TMEM132D: variants seen among roughly 807,000 people sequenced by gnomAD.
TMEM132D encodes the protein mature OL transmembrane protein.
TMEM132D carries 21 observed loss-of-function variants against 62.3 expected under a neutral mutation model. The ratio of observed to expected loss-of-function variants is 0.34; its 90% CI spans 0.24 to 0.49. TMEM132D has a LOEUF of 0.49. Among genes scored for constraint, TMEM132D ranks in the 20% least tolerant of loss-of-function variants. TMEM132D has a pLI of 0.99. For missense variants in TMEM132D, 1,346 were observed against 1,402.8 expected, an observed-to-expected ratio of 0.96 and a Z score of 0.65; for synonymous variants, 621 against 575.6, an observed-to-expected ratio of 1.08 and a Z score of -1.13.
intron 3 of TMEM132D, among the ~76,000 whole-genome samples, chr12:129,419,172 C>T (rs1420054014): frequency 6.8e-6 from 1 of 146,804 alleles, no homozygotes; most frequent in East Asian, 2.1e-4. Context: ...CTTCTATTTC[C>T]TTGAGAGTCC....
chr12:129,316,346 A>G (rs1417163242), intron 4 of TMEM132D, among the ~76,000 whole-genome samples: 1 of 152,122 alleles, frequency 6.6e-6, no homozygotes, highest in East Asian at 1.9e-4. Flanking sequence ...TGGTTGTGCC[A>G]TTATTGTCAT....
At chr12:129,840,674 C>T (rs1161227242) in intron 1 of TMEM132D, among the ~76,000 whole-genome samples, 4 of 152,188 alleles carry the variant, frequency 2.6e-5, no homozygotes, top group Admixed American at 1.3e-4. Flanking sequence ...GCTCCCAGTG[C>T]GGCCGCCCGC....
chr12:129,799,008 G>A (rs1171684245), intron 1 of TMEM132D, among the ~76,000 whole-genome samples: 1 of 152,218 alleles, frequency 6.6e-6, no homozygotes, highest in Admixed American at 6.5e-5. Flanking sequence ...GCTCACGCCT[G>A]TAATCCCAGC....
chr12:129,490,716 G>A (rs753721551), intron 3 of TMEM132D, among the ~76,000 whole-genome samples: 10 of 146,462 alleles, frequency 6.8e-5, no homozygotes, highest in Admixed American at 1.4e-4. Flanking sequence ...GCCTCCCAAA[G>A]TGCTGGGATT....
chr12:129,463,465 T>TGTATTATTATTA (rs1469195752), intron 3 of TMEM132D, among the ~76,000 whole-genome samples: 4 of 89,682 alleles, frequency 4.5e-5, no homozygotes, highest in African/African-American at 1.2e-4. Context: ...TATTTATTTA[T>TGTATTATTATTA]TTATGTATTA....
intron 3 of TMEM132D, among the ~76,000 whole-genome samples, chr12:129,517,995 C>T (rs1031542346): frequency 3.3e-5 from 5 of 152,010 alleles, no homozygotes; most frequent in African/African-American, 1.2e-4. Flanking sequence ...ATTTACCTGG[C>T]AAAAAGATAG....
chr12:129,395,652 C>T (rs1871402194), intron 3 of TMEM132D, among the ~76,000 whole-genome samples: 2 of 150,902 alleles, frequency 1.3e-5, no homozygotes, highest in Non-Finnish European at 1.5e-5. Flanking sequence ...ATGAGATGTA[C>T]TTATAAGATA....
In TMEM132D at chr12:129,652,435, GA is replaced by G. The variant is rs35901644; in HGVS notation, c.968+47374del. On this transcript the variant is annotated intron_variant, in intron 2 of 8. Transcript: ENST00000422113. ...CTGGCAAAAGAGAATTAAGGTTGAA[GA>G]AGGAATTGAGGTTGCTAATCAGCTG... Among the ~76,000 whole-genome samples the G allele has an allele frequency of 5.2e-3, 797 of 152,342 alleles. 9 individuals carry two copies. The highest frequency in any genetic ancestry group is 0.018 in the African/African-American group (758 of 41,576).
At chr12:129,607,638 T>A (rs1432192279) in intron 2 of TMEM132D, among the ~76,000 whole-genome samples, 2 of 152,246 alleles carry the variant, frequency 1.3e-5, no homozygotes, top group African/African-American at 2.4e-5. Context: ...CAAGCCTTTT[T>A]CTGGTGCAGT....
intron 2 of TMEM132D, among the ~76,000 whole-genome samples, chr12:129,623,161 G>A (rs1388168782): frequency 2.6e-5 from 4 of 152,178 alleles, no homozygotes; most frequent in African/African-American, 7.2e-5. Context: ...GCTTAAACCA[G>A]TCGGATTTGA....
intron 3 of TMEM132D, among the ~76,000 whole-genome samples, chr12:129,409,633 C>T (rs908303630): frequency 2.0e-5 from 3 of 152,200 alleles, no homozygotes; most frequent in Non-Finnish European, 4.4e-5. Context: ...TTATGAGATG[C>T]TCCTATATTG....
chr12:129,539,009 T>TTGG (rs1443310731), intron 2 of TMEM132D, among the ~76,000 whole-genome samples: 9 of 151,536 alleles, frequency 5.9e-5, no homozygotes, highest in East Asian at 1.9e-4. Flanking sequence ...AGAAGGAGCG[T>TTGG]CCTCTGCTGC....
At chr12:129,740,565 A>C (rs191433765) in intron 1 of TMEM132D, among the ~76,000 whole-genome samples, 312 of 152,346 alleles carry the variant, frequency 2.0e-3, no homozygotes, top group Non-Finnish European at 3.7e-3. Context: ...AGTATCTTTA[A>C]TATTCTTGCA....
In TMEM132D at chr12:129,797,830, G is replaced by C. The variant is rs1360903361; in HGVS notation, c.80-97132C>G. 3.3e-5 allele frequency among the ~76,000 whole-genome samples: 5 copies of C among 150,824 alleles called. No homozygotes were observed. The East Asian group carries it at 7.9e-4, about 24-fold the overall frequency. ...CACTTAGTGTGTAAATGAAGCTGGA[G>C]ACAGGAGATTTCGGAGATACTAGTT... On this transcript the variant is annotated intron_variant, in intron 1 of 8. Coordinates refer to ENST00000422113, the MANE Select transcript of TMEM132D (RefSeq NM_133448.3).
At chr12:129,710,749 A>C (rs1881621037) in intron 1 of TMEM132D, among the ~76,000 whole-genome samples, 1 of 152,180 alleles carries the variant, frequency 6.6e-6, no homozygotes, top group South Asian at 2.1e-4. Context: ...AGAGGCGAAC[A>C]CTTGAAAGCC....
At chr12:129,627,123 C>T (rs901694300) in intron 2 of TMEM132D, among the ~76,000 whole-genome samples, 2 of 152,186 alleles carry the variant, frequency 1.3e-5, no homozygotes, top group African/African-American at 4.8e-5. Context: ...CGAGATCTTA[C>T]ACCATCTTTA....
At chr12:129,351,531 C>G (rs542349871) in intron 3 of TMEM132D, among the ~76,000 whole-genome samples, 50 of 152,144 alleles carry the variant, frequency 3.3e-4, no homozygotes, top group Non-Finnish European at 5.6e-4. Flanking sequence ...GTGCTTTGAT[C>G]GAAGCCGAAT....
intron 3 of TMEM132D, among the ~76,000 whole-genome samples, chr12:129,470,865 A>G (rs958406683): frequency 6.6e-6 from 1 of 152,168 alleles, no homozygotes; most frequent in Admixed American, 6.5e-5. Context: ...GGTAACCAGG[A>G]TGGGCTATGC....
chr12:129,871,468 A>G (rs1223742575), intron 1 of TMEM132D, among the ~76,000 whole-genome samples: 1 of 152,166 alleles, frequency 6.6e-6, no homozygotes, highest in African/African-American at 2.4e-5. Context: ...GTAGTTAAAA[A>G]GGCAACGAAT....
Sources: allele counts gnomAD v4.1 joint callset (sites outside exome capture counted in the v4.1 genomes callset), GRCh38; gene constraint gnomAD v4.1.1; transcripts MANE v1.5; gene names NCBI Gene and HGNC (gene_info 2026-07-23, HGNC 2026-07-21).